The following ACTR3C variants were observed in gnomAD, a reference collection of about 807,000 sequenced individuals.
ACTR3C encodes actin-related protein 3C.
Under a neutral mutation model 26.3 loss-of-function variants are expected in ACTR3C, and 18 were observed. That is an observed-to-expected ratio of 0.68 (90% CI 0.47 to 1.01). The LOEUF (loss-of-function observed/expected upper bound fraction) is 1.01. Among genes scored for constraint, ACTR3C ranks in the 50% least tolerant of loss-of-function variants. The pLI is 0.00. For synonymous variants in ACTR3C, 55 were observed against 94.5 expected (o/e 0.58, Z 2.42); for missense variants, 184 against 250.7 (o/e 0.73, Z 1.80).
chr7:150,319,264 A>G (rs1341439372), intron 1 of ACTR3C, among the ~76,000 whole-genome samples: 1 of 151,306 alleles, frequency 6.6e-6, no homozygotes, highest in Admixed American at 6.6e-5. Flanking sequence ...ATGGAGTCCA[A>G]TGGCGTGAGC....
the ACTR3C span, among the ~76,000 whole-genome samples, chr7:150,066,464 C>T: frequency 6.6e-6 from 1 of 152,194 alleles, no homozygotes; most frequent in African/African-American, 2.4e-5. Flanking sequence ...ATCTTTCTTG[C>T]TATGAAGGAT....
At chr7:150,189,042 C>A in the ACTR3C span, among the ~76,000 whole-genome samples, 1 of 151,226 alleles carries the variant, frequency 6.6e-6, no homozygotes, top group Non-Finnish European at 1.5e-5. Flanking sequence ...CCCTCCAACA[C>A]CCCAGGGTTT....
the ACTR3C span, among the ~76,000 whole-genome samples, chr7:150,096,337 T>A: frequency 6.6e-6 from 1 of 151,240 alleles, no homozygotes; most frequent in African/African-American, 2.5e-5. Flanking sequence ...AAGTGATTAC[T>A]CAGTAAATGT....
the ACTR3C span, among the ~76,000 whole-genome samples, chr7:150,192,396 T>C: frequency 6.6e-6 from 1 of 152,112 alleles, no homozygotes. Context: ...ACTCCTGGGC[T>C]CAAGAGATCC....
At chr7:149,915,045 A>G in the ACTR3C span, among the ~76,000 whole-genome samples, 1 of 151,928 alleles carries the variant, frequency 6.6e-6, no homozygotes, top group Non-Finnish European at 1.5e-5. Flanking sequence ...ACGCCCTGCT[A>G]ATTTTTGTAT....
At chr7:150,124,393 CT>C in the ACTR3C span, among the ~76,000 whole-genome samples, 1 of 152,210 alleles carries the variant, frequency 6.6e-6, no homozygotes, top group Admixed American at 6.5e-5. Context: ...GGAAGCTTTA[CT>C]TTAAACCAGG....
chr7:149,984,549 C>T, the ACTR3C span, among the ~76,000 whole-genome samples: 4 of 150,914 alleles, frequency 2.7e-5, no homozygotes, highest in South Asian at 2.1e-4. Context: ...AAACAGCATC[C>T]TAGATTTCCT....
At chr7:150,217,167 T>G in the ACTR3C span, among the ~76,000 whole-genome samples, 1 of 145,874 alleles carries the variant, frequency 6.9e-6, no homozygotes, top group East Asian at 1.9e-4. Flanking sequence ...GTTTATTGAA[T>G]CCTCATGAAA....
At chr7:149,944,931 G>A in the ACTR3C span, among the ~76,000 whole-genome samples, 2 of 151,870 alleles carry the variant, frequency 1.3e-5, no homozygotes, top group African/African-American at 4.8e-5. Context: ...AAGAAAGGCC[G>A]TGCCAGGCCA....
At chr7:150,239,089 T>G (rs1415417668), downstream of ACTR3C, among the ~76,000 whole-genome samples, 1 of 152,078 alleles carries the variant, frequency 6.6e-6, no homozygotes, top group Non-Finnish European at 1.5e-5. Flanking sequence ...TTATATATAC[T>G]AACCATATAT....
At chr7:150,034,466 T>A in the ACTR3C span, among the ~76,000 whole-genome samples, 1 of 151,310 alleles carries the variant, frequency 6.6e-6, no homozygotes, top group East Asian at 2.0e-4. Context: ...ATTTCAAAAC[T>A]TCCATGTCCC....
At chr7:150,250,909 T>C (rs1174209821) in intron 6 of ACTR3C, among the ~76,000 whole-genome samples, 1 of 152,196 alleles carries the variant, frequency 6.6e-6, no homozygotes. Context: ...AGTTACTATG[T>C]GGAGAGTGCT....
At chr7:150,092,129 T>C in the ACTR3C span, among the ~76,000 whole-genome samples, 1 of 145,850 alleles carries the variant, frequency 6.9e-6, no homozygotes, top group Non-Finnish European at 1.5e-5. Flanking sequence ...TAAGTAGAAA[T>C]GTCTTCTACT....
At chr7:150,302,403 G>A (rs1038094346) in intron 1 of ACTR3C, among the ~76,000 whole-genome samples, 9 of 151,872 alleles carry the variant, frequency 5.9e-5, no homozygotes, top group East Asian at 1.9e-4. Flanking sequence ...AAAAAGACTC[G>A]AAATACAGGA....
the ACTR3C span, among the ~76,000 whole-genome samples, chr7:149,894,099 A>G: frequency 6.6e-6 from 1 of 152,216 alleles, no homozygotes; most frequent in Non-Finnish European, 1.5e-5. Flanking sequence ...AAACCAGTGG[A>G]ACAAAGAGCC....
At chr7:150,032,555 C>T in the ACTR3C span, among the ~76,000 whole-genome samples, 1 of 151,984 alleles carries the variant, frequency 6.6e-6, no homozygotes, top group African/African-American at 2.4e-5. Context: ...CTTCCTCTCT[C>T]GTTAGGAAGT....
chr7:150,028,793 C>T, the ACTR3C span, among the ~76,000 whole-genome samples: 1 of 152,288 alleles, frequency 6.6e-6, no homozygotes, highest in East Asian at 1.9e-4. Context: ...AAGCCACCCT[C>T]CCTGCAGACA....
At chr7:150,294,118 AC>A (rs1836529907) in intron 2 of ACTR3C, among the ~76,000 whole-genome samples, 2 of 152,284 alleles carry the variant, frequency 1.3e-5, no homozygotes, top group Admixed American at 1.3e-4. Context: ...ACTAGGCCTC[AC>A]ACCCAGAAAT....
At chr7:150,000,809 C>T in the ACTR3C span, 1 of 138,654 alleles carries the variant, frequency 7.2e-6, no homozygotes, top group East Asian at 2.0e-4. Context: ...CCAGTCCCCT[C>T]GACTCCCTGG....
Sources: gnomAD v4.1 joint callset for allele counts (sites outside exome capture counted in the v4.1 genomes callset) on GRCh38, gnomAD v4.1.1 for gene constraint, MANE v1.5 for transcripts, NCBI Gene and HGNC (gene_info 2026-07-23, HGNC 2026-07-21) for gene names.